ZNF462: variants seen among roughly 807,000 people sequenced by gnomAD.
ZNF462 encodes zinc finger PBX1-interacting protein.
ZNF462 carries 10 observed loss-of-function variants against 201.9 expected under a neutral mutation model. That is an observed-to-expected ratio of 0.05 (90% CI 0.03 to 0.08). ZNF462 has a LOEUF of 0.08. ZNF462 is among the 10% of genes least tolerant of loss of function. The pLI is 1.00. For missense variants in ZNF462, 2,523 were observed against 3,168.3 expected (o/e 0.80, Z 4.89); for synonymous variants, 1,227 against 1,193.3 (o/e 1.03, Z -0.58).
chr9:106,961,107 A>G (rs968443433), intron 7 of ZNF462, among the ~76,000 whole-genome samples: 2 of 152,102 alleles, frequency 1.3e-5, no homozygotes, highest in East Asian at 1.9e-4. Flanking sequence ...TCAAAAAGCT[A>G]TGATGTATTT....
chr9:106,944,359 G>C (rs1035721896), intron 7 of ZNF462, among the ~76,000 whole-genome samples: 1 of 152,070 alleles, frequency 6.6e-6, no homozygotes, highest in Non-Finnish European at 1.5e-5. Flanking sequence ...CAATATATTG[G>C]TTAGAAGAAG....
intron 7 of ZNF462, among the ~76,000 whole-genome samples, chr9:106,971,074 A>G (rs1324126428): frequency 1.3e-5 from 2 of 152,216 alleles, no homozygotes. Flanking sequence ...TTAAACATCC[A>G]TTCCAGGAGA....
rs1008203221 is a variant in ZNF462, at chr9:107,010,009, C to G, written c.7313+341C>G. Among the ~76,000 whole-genome samples the G allele has an allele frequency of 2.0e-5, 3 of 152,134 alleles. No homozygotes were observed. The highest frequency in any genetic ancestry group is 4.4e-5 in the Non-Finnish European group (3 of 68,024). On this transcript the variant is annotated intron_variant, in intron 12 of 12. Coordinates refer to ENST00000277225, the MANE Select transcript of ZNF462 (RefSeq NM_021224.6). The surrounding 1 kb of genome is among the most constrained non-coding windows in gnomAD (Gnocchi z 4.6). ...AGAACGTGAATCGAGGTCAAAAGAT[C>G]TGGCTTCTGTTCCTGCCTCTCTGAC... is the stretch of plus-strand genomic sequence containing the variant.
chr9:107,005,085 T>C lies in ZNF462; in HGVS notation c.7189+1659T>C, dbSNP rs138118958. ...TGGTGAATAGTATTTCATGTGTGTA[T>C]ATACCACATTTTCTTTATCCATTCA... On this transcript the variant is annotated intron_variant, in intron 11 of 12. Transcript: ENST00000277225. The surrounding 1 kb of genome is among the most constrained non-coding windows in gnomAD (Gnocchi z 4.4). 2.2e-3 allele frequency among the ~76,000 whole-genome samples: 340 copies of C among 152,340 alleles called. No individual in the cohort carries two copies. Among genetic ancestry groups the C allele is most frequent in the Non-Finnish European group, 2.9e-3 (194 of 68,014 alleles).
rs766680787 is a variant in ZNF462 at position 106,923,483 on chromosome 9, A to G, written c.100A>G (p.Thr34Ala). 29 of 1,614,100 alleles carry G rather than the reference A, an allele frequency of 1.8e-5. No individual in the cohort carries two copies. In the Admixed American group the frequency reaches 3.7e-4, roughly 20 times the overall value. ...TGTCCACACGGCATTTCTGCAGCCA[A>G]CTGATGTTGCTGAGGACAATGTGAA... is the stretch of plus-strand genomic sequence containing the variant. Reference protein sequence around the residue: ...QDVHTAFLQPTDVAEDNVNEL... With the variant: ...QDVHTAFLQPADVAEDNVNEL... Residue 34 changes from threonine (T) to alanine (A), a missense_variant, in exon 2 of 13, where the codon ACT becomes GCT. Transcript: ENST00000277225. This position sits in a 1 kb window ranked among gnomAD's most constrained non-coding sequence, Gnocchi z 5.6.
In ZNF462 at chr9:106,974,528, C is replaced by A; in HGVS notation, c.6832+255C>A. 1.9e-6 allele frequency: 1 copy of A among 537,380 alleles called. No homozygotes were observed. The highest frequency in any genetic ancestry group is 3.4e-6 in the Non-Finnish European group (1 of 296,842). 33.3% of individuals were successfully genotyped at this position (537,380 alleles called of 1,614,324 possible). On this transcript the variant is annotated intron_variant, in intron 9 of 12. Coordinates refer to ENST00000277225, the MANE Select transcript of ZNF462 (RefSeq NM_021224.6). The surrounding 1 kb of genome is among the most constrained non-coding windows in gnomAD (Gnocchi z 4.0). ...TGAACATTTCCGTAGGGCTTCCCAGCATGGGGGATTTGTACATTCTGACAA... is the reference window on the plus strand; with the variant it reads ...TGAACATTTCCGTAGGGCTTCCCAGAATGGGGGATTTGTACATTCTGACAA...
rs1564062659 is a variant in ZNF462, at chr9:106,864,090, CTCTCTCTCTCTCTCTCT to C, written c.-31+736_-31+752del. 3.3e-3 allele frequency among the ~76,000 whole-genome samples: 437 copies of C among 132,020 alleles called. 16 individuals carry two copies. The highest frequency in any genetic ancestry group is 6.9e-3 in the South Asian group (27 of 3,890). 86.6% of individuals were successfully genotyped at this position (132,020 alleles called of 152,430 possible). Reference sequence around the variant, plus strand: ...TCTCTCTCTCTCTCTCTCTCTCTCTCTCTCTCTCTCTCTCTCTCTCCCTCTCCCCGAAGTTGGGATGC... The same window carrying C: ...TCTCTCTCTCTCTCTCTCTCTCTCTCCTCCCTCTCCCCGAAGTTGGGATGC... On this transcript the variant is annotated intron_variant, in intron 1 of 12. Transcript: ENST00000277225.
rs1829227481 is a variant in ZNF462 at position 106,905,397 on chromosome 9, G to A, written c.-30-17957G>A. On this transcript the variant is annotated intron_variant, in intron 1 of 12. Coordinates refer to ENST00000277225, the MANE Select transcript of ZNF462 (RefSeq NM_021224.6). This position sits in a 1 kb window ranked among gnomAD's most constrained non-coding sequence, Gnocchi z 5.9. ...TAATGGTCTATTTTTGTGCTCATTGGCCTCCTGCCAGGAGGTGGCACTTTC... is the reference window on the plus strand; with the variant it reads ...TAATGGTCTATTTTTGTGCTCATTGACCTCCTGCCAGGAGGTGGCACTTTC... Among the ~76,000 whole-genome samples, 2 of 152,162 alleles carry A rather than the reference G, an allele frequency of 1.3e-5. No individual in the cohort carries two copies. Among genetic ancestry groups the A allele is most frequent in the African/African-American group, 4.8e-5 (2 of 41,436 alleles).
At chr9:106,934,297 A>G (rs538864938) in intron 5 of ZNF462, among the ~76,000 whole-genome samples, 73 of 108,734 alleles carry the variant, frequency 6.7e-4, no homozygotes, top group Admixed American at 1.1e-3. Context: ...TCTTGAGATG[A>G]AAAAAAAAAA....
At chr9:106,973,721 C>G (rs1028451807) in intron 8 of ZNF462, among the ~76,000 whole-genome samples, 5 of 152,136 alleles carry the variant, frequency 3.3e-5, no homozygotes, top group African/African-American at 9.7e-5. Context: ...TGTCCTCCCC[C>G]CCTTACCTGT....
chr9:106,878,117 G>C (rs930394605), intron 1 of ZNF462, among the ~76,000 whole-genome samples: 1 of 152,124 alleles, frequency 6.6e-6, no homozygotes, highest in Non-Finnish European at 1.5e-5. Context: ...TTGGCTGTGG[G>C]GTATGACCTG....
chr9:106,881,257 A>G (rs1274426741), intron 1 of ZNF462, among the ~76,000 whole-genome samples: 4 of 152,124 alleles, frequency 2.6e-5, no homozygotes, highest in Non-Finnish European at 5.9e-5. Context: ...GTGCCCTCAT[A>G]TGAGGGAGGA....
At position 106,984,602 on chromosome 9, in the gene ZNF462, G is replaced by T. The variant is rs375029074; in HGVS notation, c.7056+193G>T. Among the ~76,000 whole-genome samples, 1 of 152,286 alleles carries T rather than the reference G, an allele frequency of 6.6e-6. No homozygotes were observed. The highest frequency in any genetic ancestry group is 2.4e-5 in the African/African-American group (1 of 41,558). The stretch of plus-strand genomic sequence containing the variant: ...TTAAAAATTGCGAAACACAGGTTGG[G>T]TGGAAGGGAAATCACCCATAATTCT... On this transcript the variant is annotated intron_variant, in intron 10 of 12. Transcript: ENST00000277225. The surrounding 1 kb of genome is among the most constrained non-coding windows in gnomAD (Gnocchi z 6.4).
At position 106,901,893 on chromosome 9, in the gene ZNF462, G is replaced by A. The variant is rs576305979; in HGVS notation, c.-30-21461G>A. 3.9e-5 allele frequency among the ~76,000 whole-genome samples: 6 copies of A among 152,110 alleles called. No homozygotes were observed. The South Asian group carries it at 8.3e-4, about 21-fold the overall frequency. ...GTGACAGTTTGGCTTCCTCTTTACC[G>A]ATTTGGATGCCTTTTATTTCTTTCT... On this transcript the variant is annotated intron_variant, in intron 1 of 12. Transcript: ENST00000277225.
intron 1 of ZNF462, among the ~76,000 whole-genome samples, chr9:106,892,311 T>C (rs914647947): frequency 3.3e-5 from 5 of 152,178 alleles, no homozygotes; most frequent in Admixed American, 3.3e-4. Context: ...CTCAGAAGAT[T>C]AGGTAGCTAT....
In ZNF462 at chr9:106,925,911, T is replaced by G. The variant is rs746898084; in HGVS notation, c.1999T>G (p.Ser667Ala). Residue 667 changes from serine (S) to alanine (A), a missense_variant, in exon 3 of 13, where the codon TCC becomes GCC. Physicochemically the swap from Ser to Ala is moderately conservative, Grantham distance 99 (BLOSUM62 1). Coordinates refer to ENST00000277225, the MANE Select transcript of ZNF462 (RefSeq NM_021224.6). This position sits in a 1 kb window ranked among gnomAD's most constrained non-coding sequence, Gnocchi z 7.9. ...TCAGACCTCAATTCTTGGGTTGTCCTCCAAGAACAATTTTGTAGCTAAAGC... is the reference window on the plus strand; with the variant it reads ...TCAGACCTCAATTCTTGGGTTGTCCGCCAAGAACAATTTTGTAGCTAAAGC... The part of the protein sequence containing the change: ...KSQTSILGLS[S>A]KNNFVAKASR... 3 of 1,614,142 alleles carry G rather than the reference T, an allele frequency of 1.9e-6. No individual in the cohort carries two copies. In the South Asian group the frequency reaches 3.3e-5, roughly 18 times the overall value.
chr9:106,955,181 A>G (rs1023385119), intron 7 of ZNF462, among the ~76,000 whole-genome samples: 7 of 152,136 alleles, frequency 4.6e-5, no homozygotes, highest in African/African-American at 1.7e-4. Flanking sequence ...TTATCTTTGT[A>G]TCTATCAGGT....
At position 106,928,526 on chromosome 9, in the gene ZNF462, C is replaced by T; in HGVS notation, c.4614C>T (p.His1538=). ...TACTGACCCACTACCAGAAGCGACA[C>T]CCGTCCATCAAGGTGACCGCTGAGG... ...HGVLTHYQKR[H]PSIKVTAEDF... Residue 1538 remains histidine (H), a synonymous_variant, in exon 3 of 13, where the codon CAC becomes CAT. Transcript: ENST00000277225. This position sits in a 1 kb window ranked among gnomAD's most constrained non-coding sequence, Gnocchi z 9.3. 1 of 1,614,120 alleles carries T rather than the reference C, an allele frequency of 6.2e-7. No homozygotes were observed. Among genetic ancestry groups the T allele is most frequent in the Middle Eastern group, 1.6e-4 (1 of 6,062 alleles).
At chr9:106,894,294 G>A (rs1828716688) in intron 1 of ZNF462, among the ~76,000 whole-genome samples, 2 of 152,218 alleles carry the variant, frequency 1.3e-5, no homozygotes, top group Non-Finnish European at 2.9e-5. Context: ...TGGGGTTGGT[G>A]CATTCTGTAA....
Sources: allele counts gnomAD v4.1 joint callset (sites outside exome capture counted in the v4.1 genomes callset), GRCh38; gene constraint gnomAD v4.1.1; non-coding constraint Gnocchi (gnomAD v3.1); transcripts MANE v1.5; gene names NCBI Gene and HGNC (gene_info 2026-07-23, HGNC 2026-07-21).